MDGA2: variants seen among roughly 807,000 people sequenced by gnomAD.
MDGA2 encodes the protein MAM domain-containing glycosylphosphatidylinositol anchor protein 2.
Under a neutral mutation model 117.8 loss-of-function variants are expected in MDGA2, and 40 were observed. The ratio of observed to expected loss-of-function variants is 0.34; its 90% CI spans 0.26 to 0.44. The LOEUF (loss-of-function observed/expected upper bound fraction) is 0.44, where lower values mean the gene tolerates loss of function less well. MDGA2 is among the 20% of genes least tolerant of loss of function. The probability of loss-of-function intolerance (pLI) is 1.00; values close to 1 mark genes in which losing one functional copy is unlikely to be tolerated. For missense variants in MDGA2, 1,123 were observed against 1,250.6 expected (o/e 0.90, Z 1.54); for synonymous variants, 452 against 439.0 (o/e 1.03, Z -0.37).
intron 1 of MDGA2, among the ~76,000 whole-genome samples, chr14:47,425,676 A>C (rs892233836): frequency 1.3e-5 from 2 of 152,122 alleles, no homozygotes; most frequent in Non-Finnish European, 2.9e-5. Context: ...AGTAATGTTC[A>C]TTTGAGTTCA....
At chr14:47,322,831 A>C (rs1199150190) in intron 1 of MDGA2, among the ~76,000 whole-genome samples, 1 of 152,096 alleles carries the variant, frequency 6.6e-6, no homozygotes, top group Non-Finnish European at 1.5e-5. Flanking sequence ...ATACAAATGC[A>C]GGAAATATTT....
At chr14:47,035,445 G>T in intron 7 of MDGA2, 141 bp from the exon 8 acceptor site, 1 of 647,038 alleles carries the variant, frequency 1.5e-6, no homozygotes, top group South Asian at 2.0e-5. Context: ...GGGAATAAAT[G>T]GAATATACTC....
At chr14:47,458,650 C>G (rs1385170155) in intron 1 of MDGA2, among the ~76,000 whole-genome samples, 1 of 152,016 alleles carries the variant, frequency 6.6e-6, no homozygotes, top group East Asian at 1.9e-4. Flanking sequence ...AGGATAGATC[C>G]TAAGTGTTGT....
chr14:46,874,033 A>G lies in MDGA2; in HGVS notation c.2593+12T>C. 1 of 1,528,886 alleles carries G rather than the reference A, an allele frequency of 6.5e-7. No individual in the cohort carries two copies. The highest frequency in any genetic ancestry group is 1.3e-5 in the South Asian group (1 of 74,268). 94.7% of individuals were successfully genotyped at this position (1,528,886 alleles called of 1,614,324 possible). A position where few individuals can be genotyped will look rare whatever the true frequency, so the allele number is the denominator to read the frequency against. ...CTGATTGCTATGAACACAAAAGGTC[A>G]TACCCCCATACCTTCTTTGGAGCCA... On this transcript the variant is annotated intron_variant, in intron 13 of 16. Coordinates refer to ENST00000399232, the MANE Select transcript of MDGA2 (RefSeq NM_001113498.3).
chr14:47,173,911 C>T (rs925486240), intron 3 of MDGA2, among the ~76,000 whole-genome samples: 3,615 of 151,738 alleles, frequency 0.024, 168 homozygotes, highest in African/African-American at 0.082. Flanking sequence ...CCAGCTCATG[C>T]GCAGAGACAC....
chr14:47,329,232 C>T (rs537686186), intron 1 of MDGA2, among the ~76,000 whole-genome samples: 225 of 151,924 alleles, frequency 1.5e-3, no homozygotes, highest in Non-Finnish European at 3.1e-4. Flanking sequence ...ATGCTCAGCC[C>T]GTAGTCTCTA....
At chr14:47,480,149 T>A (rs1204855988) in intron 1 of MDGA2, among the ~76,000 whole-genome samples, 1 of 152,078 alleles carries the variant, frequency 6.6e-6, no homozygotes, top group Non-Finnish European at 1.5e-5. Flanking sequence ...ATTTAAAAAC[T>A]TCTAATGTAT....
At chr14:47,526,229 G>A (rs898308794) in intron 1 of MDGA2, among the ~76,000 whole-genome samples, 3 of 151,620 alleles carry the variant, frequency 2.0e-5, no homozygotes, top group African/African-American at 7.3e-5. Context: ...TTTCATTTGT[G>A]GTCATCTGAA....
intron 6 of MDGA2, among the ~76,000 whole-genome samples, chr14:47,095,388 C>T (rs1405526359): frequency 6.6e-6 from 1 of 151,782 alleles, no homozygotes; most frequent in African/African-American, 2.4e-5. Flanking sequence ...ATCAATGACC[C>T]TGTAATAAAA....
intron 1 of MDGA2, among the ~76,000 whole-genome samples, chr14:47,562,627 C>T (rs982467196): frequency 6.6e-6 from 1 of 151,912 alleles, no homozygotes; most frequent in Non-Finnish European, 1.5e-5. Context: ...AATCTTTTTT[C>T]CTTTATTGGT....
intron 8 of MDGA2, among the ~76,000 whole-genome samples, chr14:46,984,813 A>G (rs1022711979): frequency 6.6e-6 from 1 of 152,054 alleles, no homozygotes; most frequent in African/African-American, 2.4e-5. Flanking sequence ...TTAATTTTCC[A>G]CTTTGCCCTT....
At chr14:47,396,463 G>A (rs1042404721) in intron 1 of MDGA2, among the ~76,000 whole-genome samples, 14 of 152,058 alleles carry the variant, frequency 9.2e-5, no homozygotes, top group Non-Finnish European at 1.5e-4. Flanking sequence ...AAAAGCAAGG[G>A]CAACAAAAGT....
chr14:47,215,101 T>C (rs1022193590), intron 3 of MDGA2, among the ~76,000 whole-genome samples: 12 of 152,082 alleles, frequency 7.9e-5, no homozygotes, highest in African/African-American at 1.9e-4. Flanking sequence ...TGATGAAAGT[T>C]CCACATGTGA....
intron 1 of MDGA2, among the ~76,000 whole-genome samples, chr14:47,325,212 T>C (rs1890108953): frequency 6.6e-6 from 1 of 152,188 alleles, no homozygotes; most frequent in South Asian, 2.1e-4. Context: ...AACTAAACTA[T>C]GAAACTGAAA....
intron 1 of MDGA2, among the ~76,000 whole-genome samples, chr14:47,646,911 C>A (rs1165798972): frequency 6.6e-6 from 1 of 152,138 alleles, no homozygotes; most frequent in Non-Finnish European, 1.5e-5. Flanking sequence ...ATTAATATCT[C>A]TGCTTCCCTT....
rs113769108 is a variant in MDGA2, at chr14:46,871,055, C to T, written c.2752+2378G>A. 6.6e-5 allele frequency: 10 copies of T among 151,900 alleles called. 1 individual carries two copies. The highest frequency in any genetic ancestry group is 2.2e-4 in the African/African-American group (9 of 41,476). 9.4% of individuals were successfully genotyped at this position (151,900 alleles called of 1,614,324 possible). A position where few individuals can be genotyped will look rare whatever the true frequency, so the allele number is the denominator to read the frequency against. ...CAAAACAAAGAGGAAACAGAGTATA[C>T]ATTATTAACAAAAAGGAAGAATTAG... On this transcript the variant is annotated intron_variant, in intron 14 of 16. Coordinates refer to ENST00000399232, the MANE Select transcript of MDGA2 (RefSeq NM_001113498.3).
At chr14:47,462,388 A>AG (rs1171555992) in intron 1 of MDGA2, among the ~76,000 whole-genome samples, 2 of 151,540 alleles carry the variant, frequency 1.3e-5, no homozygotes, top group African/African-American at 4.9e-5. Flanking sequence ...AAAAAAAAAA[A>AG]AAAAGAAAGA....
At chr14:47,050,083 G>C (rs1329404463) in intron 7 of MDGA2, among the ~76,000 whole-genome samples, 2 of 151,962 alleles carry the variant, frequency 1.3e-5, no homozygotes, top group African/African-American at 2.4e-5. Context: ...TTCTCAGAGT[G>C]TATCTCTGGA....
intron 5 of MDGA2, among the ~76,000 whole-genome samples, chr14:47,124,179 A>C (rs1881786735): frequency 6.6e-6 from 1 of 152,090 alleles, no homozygotes; most frequent in African/African-American, 2.4e-5. Flanking sequence ...CTTCCATTTC[A>C]CATATTAGCT....
Sources: allele counts gnomAD v4.1 joint callset (sites outside exome capture counted in the v4.1 genomes callset), GRCh38; gene constraint gnomAD v4.1.1; transcripts MANE v1.5; gene names NCBI Gene and HGNC (gene_info 2026-07-23, HGNC 2026-07-21).